Variants in BRD3 observed in about 807,000 individuals in gnomAD.
The protein encoded by BRD3 is bromodomain-containing protein 3.
In BRD3, 17 loss-of-function variants were observed where a neutral mutation model predicts 66.8. The ratio of observed to expected loss-of-function variants is 0.25; its 90% confidence interval spans 0.17 to 0.38. BRD3 has a LOEUF of 0.38. BRD3 is among the 10% of genes least tolerant of loss of function. The pLI is 1.00. For missense variants in BRD3, 713 were observed against 956.1 expected, an observed-to-expected ratio of 0.75 and a Z score of 3.35; for synonymous variants, 421 against 393.2, an observed-to-expected ratio of 1.07 and a Z score of -0.84.
At chr9:134,055,108 G>A (rs1187516051) in intron 1 of BRD3, among the ~76,000 whole-genome samples, 3 of 152,120 alleles carry the variant, frequency 2.0e-5, no homozygotes, top group Non-Finnish European at 2.9e-5. Context: ...TGGTGCGGAG[G>A]GCAGCCCCAG....
intron 1 of BRD3, 93 bp from the exon 2 acceptor site, chr9:134,053,683 G>A (rs1425981554): frequency 1.6e-5 from 19 of 1,200,998 alleles, no homozygotes; most frequent in South Asian, 6.5e-5. Flanking sequence ...GGCACCTGTC[G>A]GGCCTCAGCA....
Position 134,033,254 on chromosome 9 carries a change from G to A in BRD3, c.*336C>T, listed in dbSNP as rs889701192. On this transcript the variant is annotated 3_prime_UTR_variant, in exon 12 of 12. Coordinates refer to ENST00000303407, the MANE Select transcript of BRD3 (RefSeq NM_007371.4). The surrounding 1 kb of genome is among the most constrained non-coding windows in gnomAD (Gnocchi z 5.1). ...TCTTTCTCGAGCTATCGACCAGGTT[G>A]GGCCTAAGCAAAGGGATTCCACAAG... The A allele has an allele frequency of 3.4e-5, 14 of 410,376 alleles. No individual in the cohort carries two copies. Among genetic ancestry groups the A allele is most frequent in the Non-Finnish European group, 6.0e-5 (14 of 233,196 alleles). 25.4% of individuals were successfully genotyped at this position (410,376 alleles called of 1,614,324 possible). A position where few individuals can be genotyped will look rare whatever the true frequency, so the allele number is the denominator to read the frequency against.
chr9:134,047,082 C>A (rs1037950196), intron 6 of BRD3, among the ~76,000 whole-genome samples: 1 of 152,236 alleles, frequency 6.6e-6, no homozygotes, highest in East Asian at 1.9e-4. Context: ...TGGAGCCAGG[C>A]GGCCCCGCTC....
Position 134,041,909 on chromosome 9 carries a change from C to T in BRD3, c.1258G>A (p.Val420Met), listed in dbSNP as rs1432152659. The T allele has an allele frequency of 4.4e-6, 7 of 1,606,758 alleles. No individual in the cohort carries two copies. The East Asian group carries it at 8.9e-5, about 21-fold the overall frequency. ...GGGGCAGGCAGCGCCGGTGCCTCCA[C>T]GGGCTCATCTGGCATCTTGGCAAAC... ...MRFAKMPDEPVEAPALPAPAA... is the reference protein window; with the variant it reads ...MRFAKMPDEPMEAPALPAPAA... The change falls in exon 8 of 12, where the codon GTG (valine) becomes ATG (methionine). Residue 420 changes from valine to methionine, a missense_variant. Val to Met is a conservative substitution (Grantham distance 21, BLOSUM62 1). Around this residue, in one of 5 missense-constraint regions of BRD3, gnomAD observed 418 missense variants for 609.3 expected, o/e 0.69. Transcript: ENST00000303407.
chr9:134,052,490 T>G (rs765309113), intron 2 of BRD3, 47 bp from the exon 3 acceptor site: 1 of 1,573,124 alleles, frequency 6.4e-7, no homozygotes, highest in Non-Finnish European at 8.6e-7. Context: ...TCTACATAAT[T>G]ATTTTCACAA....
At chr9:134,036,551 C>T (rs766944304) in intron 9 of BRD3, 3 of 1,610,340 alleles carry the variant, frequency 1.9e-6, no homozygotes, top group African/African-American at 1.3e-5. Context: ...CCTCTCTACA[C>T]CCCATAGGCG....
chr9:134,039,381 TC>T (rs1829992023), intron 9 of BRD3, among the ~76,000 whole-genome samples: 1 of 152,160 alleles, frequency 6.6e-6, no homozygotes, highest in African/African-American at 2.4e-5. Context: ...TTGCCCTCAT[TC>T]CCAAAAGGAA....
intron 1 of BRD3, among the ~76,000 whole-genome samples, chr9:134,055,417 G>C (rs2132439129): frequency 6.6e-6 from 1 of 152,328 alleles, no homozygotes; most frequent in South Asian, 2.1e-4. Context: ...GGCCTGGACA[G>C]CAGCAGGCTC....
At chr9:134,062,780 G>C (rs905053248) in intron 1 of BRD3, among the ~76,000 whole-genome samples, 2 of 152,174 alleles carry the variant, frequency 1.3e-5, no homozygotes, top group African/African-American at 4.8e-5. Flanking sequence ...CCACCGCCAC[G>C]TAGTCAGGGT....
In BRD3 at chr9:134,053,355, G is replaced by A. The variant is rs558362194; in HGVS notation, c.123C>T (p.Tyr41=). Residue 41 remains tyrosine (Y), a synonymous_variant, in exon 2 of 12, where the codon TAC becomes TAT. Coordinates refer to ENST00000303407, the MANE Select transcript of BRD3 (RefSeq NM_007371.4). ...GCGTCTTCACCACCACATTCTGCATGTACTGCAGCTGGTTGGTCTTGCGGC... is the reference window on the plus strand; with the variant it reads ...GCGTCTTCACCACCACATTCTGCATATACTGCAGCTGGTTGGTCTTGCGGC... ...KPGRKTNQLQ[Y]MQNVVVKTLW... 22 of 1,613,170 alleles carry A rather than the reference G, an allele frequency of 1.4e-5. No homozygotes were observed. The South Asian group carries it at 1.9e-4, about 14-fold the overall frequency.
intron 1 of BRD3, among the ~76,000 whole-genome samples, 191 bp downstream of exon 1, chr9:134,067,754 C>G (rs1324101063): frequency 6.9e-6 from 1 of 145,042 alleles, no homozygotes; most frequent in Non-Finnish European, 1.5e-5. Context: ...CGGGCGGCCG[C>G]CGCGCTTTGT....
rs1455813928 is a variant in BRD3 at position 134,032,592 on chromosome 9, G to A, written c.*998C>T. The A allele has an allele frequency of 3.0e-5, 7 of 231,074 alleles. No individual in the cohort carries two copies. The highest frequency in any genetic ancestry group is 6.6e-5 in the African/African-American group (3 of 45,284). 14.3% of individuals were successfully genotyped at this position (231,074 alleles called of 1,614,324 possible). A position where few individuals can be genotyped will look rare whatever the true frequency, so the allele number is the denominator to read the frequency against. On this transcript the variant is annotated 3_prime_UTR_variant, in exon 12 of 12. Transcript: ENST00000303407. ...CCGCCGCCAGACAGGACCCGCGCCC[G>A]GCACACCACTGGCAAGGCCTGCATC...
chr9:134,052,265 A>G (rs771663327), intron 3 of BRD3, 41 bp downstream of exon 3: 20 of 1,607,068 alleles, frequency 1.2e-5, no homozygotes, highest in Admixed American at 3.3e-5. Flanking sequence ...CAGCGCCCCA[A>G]TCCTTACTGC....
At chr9:134,041,685 G>T in intron 8 of BRD3, 75 bp downstream of exon 8, 1 of 1,524,002 alleles carries the variant, frequency 6.6e-7, no homozygotes, top group East Asian at 2.4e-5. Context: ...ACCATGCAAA[G>T]GGACGGACCT....
chr9:134,038,301 C>T (rs896633903), intron 9 of BRD3, among the ~76,000 whole-genome samples: 1 of 152,076 alleles, frequency 6.6e-6, no homozygotes, highest in Non-Finnish European at 1.5e-5. Flanking sequence ...ATTACAGGCG[C>T]CCGTCACCAA....
chr9:134,052,405 C>A lies in BRD3; in HGVS notation c.252G>T (p.Gly84=), dbSNP rs201716645. The change falls in exon 3 of 12, where the codon GGG becomes GGT. Residue 84 remains glycine (G), a synonymous_variant. Transcript: ENST00000303407. ...HKIIKNPMDM[G]TIKKRLENNY... ...TATTTTCTAGTCTCTTCTTAATAGTCCCCATATCCATTGGGTTTTTAATTA... is the reference window on the plus strand; with the variant it reads ...TATTTTCTAGTCTCTTCTTAATAGTACCCATATCCATTGGGTTTTTAATTA... 1.9e-6 allele frequency: 3 copies of A among 1,611,280 alleles called. No homozygotes were observed. The highest frequency in any genetic ancestry group is 2.5e-6 in the Non-Finnish European group (3 of 1,179,066).
intron 1 of BRD3, among the ~76,000 whole-genome samples, chr9:134,065,372 T>C (rs1026176865): frequency 6.6e-6 from 1 of 150,466 alleles, no homozygotes. Context: ...TACAGTGGGC[T>C]GAGATCGTGC....
At chr9:134,067,398 C>A (rs531834791) in intron 1 of BRD3, among the ~76,000 whole-genome samples, 2 of 114,196 alleles carry the variant, frequency 1.8e-5, no homozygotes, top group Non-Finnish European at 4.3e-5. Context: ...CAGGCGCGGG[C>A]CCCAGCAACG....
chr9:134,064,686 C>T (rs778234012), intron 1 of BRD3, among the ~76,000 whole-genome samples: 17 of 152,134 alleles, frequency 1.1e-4, no homozygotes, highest in South Asian at 2.1e-4. Flanking sequence ...CATGGTGAAA[C>T]GCCATCTCTA....
Sources: allele counts gnomAD v4.1 joint callset (sites outside exome capture counted in the v4.1 genomes callset), GRCh38; gene constraint gnomAD v4.1.1; regional missense constraint gnomAD v4.1.1; non-coding constraint Gnocchi (gnomAD v3.1); transcripts MANE v1.5; gene names NCBI Gene and HGNC (gene_info 2026-07-23, HGNC 2026-07-21).